Variants in PTPRF observed in about 807,000 individuals in gnomAD.
PTPRF encodes protein tyrosine phosphatase receptor type F, also known as receptor-type tyrosine-protein phosphatase F.
PTPRF carries 59 observed loss-of-function variants against 201.8 expected under a neutral mutation model. The ratio of observed to expected loss-of-function variants is 0.29; its 90% CI spans 0.24 to 0.36. PTPRF has a LOEUF of 0.36. Ranked by LOEUF, PTPRF falls within the 10% of genes least tolerant of loss-of-function variation. PTPRF has a pLI of 1.00. For synonymous variants in PTPRF, 1,088 were observed against 1,089.7 expected (o/e 1.00, Z 0.03); for missense variants, 2,132 against 2,690.5 (o/e 0.79, Z 4.59).
At chr1:43,586,542 C>G (rs760700120) in intron 7 of PTPRF, among the ~76,000 whole-genome samples, 14 of 152,262 alleles carry the variant, frequency 9.2e-5, no homozygotes, top group Admixed American at 7.9e-4. Context: ...GTGTCTGTGA[C>G]ATGCTGTCAT....
chr1:43,594,776 CTA>C (rs1651832884), intron 11 of PTPRF, among the ~76,000 whole-genome samples: 1 of 152,120 alleles, frequency 6.6e-6, no homozygotes, highest in Admixed American at 6.6e-5. Context: ...GGTGTGAAAA[CTA>C]CAGCTGGTCT....
At chr1:43,569,569 C>G in intron 5 of PTPRF, 21 bp from the exon 6 acceptor site, 1 of 1,585,214 alleles carries the variant, frequency 6.3e-7, no homozygotes, top group Non-Finnish European at 8.6e-7. Flanking sequence ...CCCTAATACA[C>G]ACATTGCTGT....
intron 23 of PTPRF, among the ~76,000 whole-genome samples, chr1:43,615,045 T>G (rs776561623): frequency 5.9e-5 from 9 of 152,172 alleles, no homozygotes; most frequent in Non-Finnish European, 1.2e-4. Context: ...AGGGGTTGGC[T>G]GAGCCTAACC....
rs200639291 is a variant in PTPRF at position 43,605,644 on chromosome 1, A to T, written c.3483+22A>T. ...CGAGGTACCTGGGGAGGGGATGGGG[A>T]CACTGACAGCCCCATTGCAGTGGTC... On this transcript the variant is annotated intron_variant, in intron 19 of 33. Transcript: ENST00000359947. The T allele has an allele frequency of 2.5e-3, 4,089 of 1,604,718 alleles. 13 individuals carry two copies. Among genetic ancestry groups the T allele is most frequent in the Non-Finnish European group, 2.6e-3 (3,082 of 1,171,874 alleles).
intron 12 of PTPRF, 86 bp from the exon 13 acceptor site, chr1:43,598,634 G>A (rs893604677): frequency 1.6e-6 from 2 of 1,282,850 alleles, no homozygotes; most frequent in South Asian, 1.4e-5. Flanking sequence ...GTGGGGTGCT[G>A]AGGCAGGACC....
intron 5 of PTPRF, among the ~76,000 whole-genome samples, chr1:43,569,096 G>A (rs1327279296): frequency 6.6e-6 from 1 of 152,240 alleles, no homozygotes; most frequent in Non-Finnish European, 1.5e-5. Context: ...GCTCTGCCAT[G>A]TGATAGAGCT....
rs752081368 is a variant in PTPRF at position 43,553,851 on chromosome 1, C to G, written c.289C>G (p.Arg97Gly). The change falls in exon 5 of 34, where the codon CGG (arginine) becomes GGG (glycine). Residue 97 changes from arginine (R) to glycine (G), a missense_variant. Arg to Gly is a moderately radical substitution (Grantham distance 125). Coordinates refer to ENST00000359947, the MANE Select transcript of PTPRF (RefSeq NM_002840.5). This position sits in a 1 kb window ranked among gnomAD's most constrained non-coding sequence, Gnocchi z 4.1. The part of the protein sequence containing the change: ...AGSVLRIQPL[R>G]VQRDEAIYEC... ...GTCAGTGCTTCGGATCCAGCCATTG[C>G]GGGTGCAGCGAGATGAAGCCATCTA... 2 of 1,614,116 alleles carry G rather than the reference C, an allele frequency of 1.2e-6. No homozygotes were observed. Among genetic ancestry groups the G allele is most frequent in the Non-Finnish European group, 1.7e-6 (2 of 1,180,020 alleles).
At chr1:43,534,075 A>G (rs991255902) in intron 1 of PTPRF, among the ~76,000 whole-genome samples, 8 of 152,152 alleles carry the variant, frequency 5.3e-5, no homozygotes, top group African/African-American at 1.9e-4. Flanking sequence ...ACCAAGAAGA[A>G]GTGATGTGAA....
chr1:43,584,567 G>T (rs1468929784), intron 7 of PTPRF, among the ~76,000 whole-genome samples: 1 of 151,896 alleles, frequency 6.6e-6, no homozygotes, highest in African/African-American at 2.4e-5. Context: ...CCACCCTATG[G>T]TCCCACCAAA....
At chr1:43,575,009 C>T (rs1394600342) in intron 6 of PTPRF, among the ~76,000 whole-genome samples, 1 of 152,218 alleles carries the variant, frequency 6.6e-6, no homozygotes, top group Non-Finnish European at 1.5e-5. Context: ...GCACACTTCC[C>T]AATCCCCAGA....
intron 6 of PTPRF, among the ~76,000 whole-genome samples, chr1:43,574,991 A>G (rs1646828515): frequency 6.6e-6 from 1 of 152,044 alleles, no homozygotes; most frequent in African/African-American, 2.4e-5. Flanking sequence ...ATTGGTGTTG[A>G]TTTTTCTGCA....
chr1:43,567,749 CCTT>C (rs1274768607), intron 5 of PTPRF, among the ~76,000 whole-genome samples: 2 of 152,288 alleles, frequency 1.3e-5, no homozygotes, highest in East Asian at 3.9e-4. Context: ...CCAGCCTTTA[CCTT>C]CTTCATGTCT....
rs765438541 is a variant in PTPRF, at chr1:43,622,027, A to G, written c.*24A>G. ...AACTACCGCTCCCCTCTCCTCCGCC[A>G]CCCCCGCCGTGGGGCTCCGGAGGGG... is the stretch of plus-strand genomic sequence containing the variant. On this transcript the variant is annotated 3_prime_UTR_variant, in exon 34 of 34. Coordinates refer to ENST00000359947, the MANE Select transcript of PTPRF (RefSeq NM_002840.5). The G allele has an allele frequency of 1.0e-5, 16 of 1,588,546 alleles. No homozygotes were observed. The South Asian group carries it at 1.8e-4, about 18-fold the overall frequency.
At chr1:43,578,669 C>CA in intron 6 of PTPRF, 141 bp from the exon 7 acceptor site, 1 of 646,782 alleles carries the variant, frequency 1.5e-6, no homozygotes, top group Non-Finnish European at 2.7e-6. Context: ...TTCCTGGAAG[C>CA]AGCAGGGGTG....
chr1:43,554,212 T>C lies in PTPRF; in HGVS notation c.379+271T>C, dbSNP rs940465791. On this transcript the variant is annotated intron_variant, in intron 5 of 33. Transcript: ENST00000359947. The surrounding 1 kb of genome is among the most constrained non-coding windows in gnomAD (Gnocchi z 4.1). The stretch of plus-strand genomic sequence containing the variant: ...GTTGGGTGGGGTCTGGGGTCTGACT[T>C]GAGGTGTGGAGCTGCAGCTGTGTAT... 3.3e-5 allele frequency among the ~76,000 whole-genome samples: 5 copies of C among 152,084 alleles called. No individual in the cohort carries two copies. The highest frequency in any genetic ancestry group is 9.7e-5 in the African/African-American group (4 of 41,392).
At chr1:43,583,082 A>G in intron 7 of PTPRF, 7 of 985,660 alleles carry the variant, frequency 7.1e-6, no homozygotes, top group East Asian at 1.1e-4. Context: ...CATCTCTCAG[A>G]TCAGCGAGAA....
chr1:43,559,589 C>CAGT (rs34985615), intron 5 of PTPRF, among the ~76,000 whole-genome samples: 110,680 of 150,798 alleles, frequency 0.73, 40,838 homozygotes, highest in Non-Finnish European at 0.78. Context: ...GTGCAGCAGG[C>CAGT]GTGTGTGTGT....
In PTPRF at chr1:43,605,610, G is replaced by A; in HGVS notation, c.3471G>A (p.Leu1157=). ...LTPRWSTPEE[L]ELDELLEAIE... The stretch of plus-strand genomic sequence containing the variant: ...CAAGGTGGAGCACACCCGAGGAACT[G>A]GAGCTGGACGAGGTACCTGGGGAGG... Residue 1157 remains leucine (L), a synonymous_variant, in exon 19 of 34, where the codon CTG becomes CTA. Transcript: ENST00000359947. The A allele has an allele frequency of 2.5e-6, 4 of 1,614,140 alleles. No individual in the cohort carries two copies. Among genetic ancestry groups the A allele is most frequent in the Non-Finnish European group, 2.5e-6 (3 of 1,180,016 alleles).
intron 3 of PTPRF, among the ~76,000 whole-genome samples, chr1:43,550,313 G>A (rs1228897251): frequency 1.3e-5 from 2 of 152,252 alleles, no homozygotes; most frequent in South Asian, 2.1e-4. Context: ...TCTCCTCCCC[G>A]GCGTCTCCTC....
Sources: allele counts gnomAD v4.1 joint callset (sites outside exome capture counted in the v4.1 genomes callset), GRCh38; gene constraint gnomAD v4.1.1; non-coding constraint Gnocchi (gnomAD v3.1); transcripts MANE v1.5; gene names NCBI Gene and HGNC (gene_info 2026-07-23, HGNC 2026-07-21).